CSMD1: variants seen among roughly 807,000 people sequenced by gnomAD.
CSMD1 encodes the protein CUB and sushi domain-containing protein 1.
CSMD1 carries 213 observed loss-of-function variants against 417.5 expected under a neutral mutation model. The ratio of observed to expected loss-of-function variants is 0.51; its 90% CI spans 0.46 to 0.57. CSMD1 has a LOEUF of 0.57. CSMD1 is among the 20% of genes least tolerant of loss of function. The pLI, the probability that CSMD1 is intolerant of heterozygous loss-of-function variation, is 0.00. For synonymous variants in CSMD1, 2,862 were observed against 1,736.8 expected, an observed-to-expected ratio of 1.65 and a Z score of -16.11; for missense variants, 6,923 against 4,529.7, an observed-to-expected ratio of 1.53 and a Z score of -15.17.
chr8:3,908,245 G>C (rs1038161253), intron 5 of CSMD1, among the ~76,000 whole-genome samples: 1 of 99,302 alleles, frequency 1.0e-5, no homozygotes, highest in African/African-American at 3.0e-5. Context: ...AATTTTAGGA[G>C]ATATGAGAAA....
chr8:3,536,886 T>C (rs905627172), intron 10 of CSMD1, among the ~76,000 whole-genome samples: 3 of 152,228 alleles, frequency 2.0e-5, no homozygotes, highest in African/African-American at 7.2e-5. Flanking sequence ...TAGAGAAAAT[T>C]AAATCTAGTT....
At chr8:4,412,047 C>T (rs770535691) in intron 3 of CSMD1, among the ~76,000 whole-genome samples, 2 of 151,482 alleles carry the variant, frequency 1.3e-5, no homozygotes, top group East Asian at 3.9e-4. Flanking sequence ...CTAAATATCT[C>T]AATGTGCCTC....
At chr8:3,231,346 TCAACAC>T (rs1798824747) in intron 26 of CSMD1, among the ~76,000 whole-genome samples, 1 of 152,164 alleles carries the variant, frequency 6.6e-6, no homozygotes, top group African/African-American at 2.4e-5. Flanking sequence ...TTCACTGTTT[TCAACAC>T]CAAGTTTTAT....
intron 5 of CSMD1, among the ~76,000 whole-genome samples, chr8:3,904,977 G>A (rs894048091): frequency 2.6e-5 from 4 of 152,078 alleles, no homozygotes; most frequent in African/African-American, 9.7e-5. Context: ...TAAGGTCAAA[G>A]AGGAAGAAGT....
chr8:4,029,710 C>T (rs186237480), intron 4 of CSMD1, among the ~76,000 whole-genome samples: 3 of 152,182 alleles, frequency 2.0e-5, no homozygotes, highest in Admixed American at 6.5e-5. Flanking sequence ...GCCTTCCCAA[C>T]AGTCCCCCAA....
At chr8:4,397,137 CGA>C (rs1335989848) in intron 3 of CSMD1, among the ~76,000 whole-genome samples, 2 of 152,066 alleles carry the variant, frequency 1.3e-5, no homozygotes, top group Non-Finnish European at 2.9e-5. Context: ...ATCACATGGT[CGA>C]GCAATCACTC....
chr8:3,900,895 G>C (rs568103919), intron 5 of CSMD1, among the ~76,000 whole-genome samples: 3 of 152,214 alleles, frequency 2.0e-5, no homozygotes, highest in African/African-American at 7.2e-5. Flanking sequence ...GCGTTTGCTT[G>C]ATCTGAGTCC....
At chr8:3,712,942 G>A (rs754538704) in intron 6 of CSMD1, among the ~76,000 whole-genome samples, 1 of 152,146 alleles carries the variant, frequency 6.6e-6, no homozygotes, top group Non-Finnish European at 1.5e-5. Flanking sequence ...CATTGTGACT[G>A]TAGTTAATAA....
At chr8:4,909,130 G>C (rs1413903384) in intron 1 of CSMD1, among the ~76,000 whole-genome samples, 1 of 152,160 alleles carries the variant, frequency 6.6e-6, no homozygotes, top group African/African-American at 2.4e-5. Context: ...CAGAGGATTT[G>C]ATTTTCTTCT....
intron 5 of CSMD1, among the ~76,000 whole-genome samples, chr8:3,793,844 C>G (rs571868167): frequency 1.3e-5 from 2 of 152,286 alleles, no homozygotes; most frequent in East Asian, 1.9e-4. Context: ...ACAAGAATCA[C>G]TCAATAAATA....
intron 25 of CSMD1, among the ~76,000 whole-genome samples, chr8:3,301,167 T>G (rs1804372722): frequency 6.6e-6 from 1 of 151,992 alleles, no homozygotes; most frequent in African/African-American, 2.4e-5. Flanking sequence ...TAGACATTAG[T>G]TTTATAGACA....
chr8:3,440,215 G>A (rs561291911), intron 12 of CSMD1, among the ~76,000 whole-genome samples: 1 of 116,328 alleles, frequency 8.6e-6, no homozygotes, highest in Admixed American at 9.0e-5. Flanking sequence ...CTTATAACAG[G>A]TGCATTAAAC....
intron 3 of CSMD1, among the ~76,000 whole-genome samples, chr8:4,234,792 A>C (rs1801947977): frequency 6.6e-6 from 1 of 152,140 alleles, no homozygotes; most frequent in South Asian, 2.1e-4. Flanking sequence ...GCCCCCAGAT[A>C]ATCATGAGAA....
intron 1 of CSMD1, among the ~76,000 whole-genome samples, chr8:4,700,085 G>A (rs1038018088): frequency 1.3e-5 from 2 of 152,132 alleles, no homozygotes; most frequent in African/African-American, 4.8e-5. Flanking sequence ...AGATGAAGGA[G>A]CTCACCACAG....
At chr8:4,231,845 C>CAT (rs1801753159) in intron 3 of CSMD1, among the ~76,000 whole-genome samples, 1 of 152,190 alleles carries the variant, frequency 6.6e-6, no homozygotes, top group South Asian at 2.1e-4. Context: ...AATATCTGTA[C>CAT]ATGTATATGA....
At chr8:3,913,417 A>C (rs1808591416) in intron 5 of CSMD1, among the ~76,000 whole-genome samples, 1 of 152,132 alleles carries the variant, frequency 6.6e-6, no homozygotes, top group South Asian at 2.1e-4. Context: ...AACCACTGGG[A>C]TGTGTCCCAG....
chr8:4,597,110 AT>A (rs11136756), intron 2 of CSMD1, among the ~76,000 whole-genome samples: 69,357 of 150,740 alleles, frequency 0.46, 17,886 homozygotes, highest in Non-Finnish European at 0.58. Context: ...ACAACACACA[AT>A]TTTTTTTTTT....
rs186418241 is a variant in CSMD1, at chr8:4,689,195, T to C, written c.86-51637A>G. ...CTGGAAATTTCAATAGGTTTATTCT[T>C]TTGTGTTCAGATCCTACTGTGAGGT... On this transcript the variant is annotated intron_variant, in intron 1 of 69. Coordinates refer to ENST00000635120, the MANE Select transcript of CSMD1 (RefSeq NM_033225.6). 2.6e-3 allele frequency among the ~76,000 whole-genome samples: 403 copies of C among 152,328 alleles called. 2 individuals are homozygous for C. Among genetic ancestry groups the C allele is most frequent in the Non-Finnish European group, 3.6e-3 (242 of 68,034 alleles).
At chr8:3,882,200 G>T (rs1032955221) in intron 5 of CSMD1, among the ~76,000 whole-genome samples, 2 of 151,526 alleles carry the variant, frequency 1.3e-5, no homozygotes, top group South Asian at 4.2e-4. Context: ...CAACAAGAAA[G>T]AGAGAGACAA....
Sources: allele counts gnomAD v4.1 joint callset (sites outside exome capture counted in the v4.1 genomes callset), GRCh38; gene constraint gnomAD v4.1.1; transcripts MANE v1.5; gene names NCBI Gene and HGNC (gene_info 2026-07-23, HGNC 2026-07-21).